Variants in GALNTL6 observed in about 807,000 individuals in gnomAD.
GALNTL6 encodes polypeptide N-acetylgalactosaminyltransferase-like 6.
GALNTL6 carries 46 observed loss-of-function variants against 73.7 expected under a neutral mutation model. The ratio of observed to expected loss-of-function variants is 0.62; its 90% CI spans 0.49 to 0.80. The LOEUF (loss-of-function observed/expected upper bound fraction) is 0.80, where lower values mean the gene tolerates loss of function less well. Ranked by LOEUF, GALNTL6 falls within the 30% of genes least tolerant of loss-of-function variation. The probability of loss-of-function intolerance (pLI) is 0.00; values close to 1 mark genes in which losing one functional copy is unlikely to be tolerated. For synonymous variants in GALNTL6, 259 were observed against 263.7 expected (o/e 0.98, Z 0.17); for missense variants, 604 against 755.0 (o/e 0.80, Z 2.34).
intron 2 of GALNTL6, among the ~76,000 whole-genome samples, chr4:171,968,640 C>T (rs149298134): frequency 2.0e-5 from 3 of 152,218 alleles, no homozygotes; most frequent in Non-Finnish European, 2.9e-5. Flanking sequence ...CTATTCGACC[C>T]ACCACAGCAC....
rs747848670 is a variant in GALNTL6 at position 172,800,443 on chromosome 4, T to G, written c.554-8918T>G. On this transcript the variant is annotated intron_variant, in intron 5 of 12. Transcript: ENST00000506823. ...ATATTCTCCTAGAATTAAACTACTTTGTAACATTTACTGAGTAAAGCCTTA... is the reference window on the plus strand; with the variant it reads ...ATATTCTCCTAGAATTAAACTACTTGGTAACATTTACTGAGTAAAGCCTTA... 8.5e-5 allele frequency among the ~76,000 whole-genome samples: 13 copies of G among 152,200 alleles called. 1 individual carries two copies. The highest frequency in any genetic ancestry group is 4.6e-4 in the Admixed American group (7 of 15,286).
chr4:172,224,089 G>A (rs1038490737), intron 2 of GALNTL6, among the ~76,000 whole-genome samples: 4 of 152,014 alleles, frequency 2.6e-5, no homozygotes, highest in Admixed American at 1.3e-4. Context: ...TTTTTCAAGG[G>A]CAATGGAAAT....
intron 5 of GALNTL6, among the ~76,000 whole-genome samples, chr4:172,646,747 G>A (rs1740260166): frequency 6.6e-6 from 1 of 151,846 alleles, no homozygotes; most frequent in African/African-American, 2.4e-5. Context: ...TCTTAAAATC[G>A]TTCTTCAAGT....
At chr4:172,732,122 A>G (rs557189247) in intron 5 of GALNTL6, among the ~76,000 whole-genome samples, 1 of 152,096 alleles carries the variant, frequency 6.6e-6, no homozygotes, top group Non-Finnish European at 1.5e-5. Context: ...TCTGTCTGTT[A>G]CTGAGAATGG....
At chr4:172,984,700 C>T (rs1751219496) in intron 10 of GALNTL6, among the ~76,000 whole-genome samples, 1 of 152,144 alleles carries the variant, frequency 6.6e-6, no homozygotes, top group African/African-American at 2.4e-5. Flanking sequence ...TCAGTAGAAG[C>T]CCAAACCTCA....
At chr4:172,753,466 A>C (rs1259111210) in intron 5 of GALNTL6, among the ~76,000 whole-genome samples, 1 of 152,226 alleles carries the variant, frequency 6.6e-6, no homozygotes, top group East Asian at 1.9e-4. Flanking sequence ...TTATGTGATG[A>C]AGTTTTTCTC....
chr4:171,982,447 G>C (rs111850556), intron 2 of GALNTL6, among the ~76,000 whole-genome samples: 7 of 151,928 alleles, frequency 4.6e-5, no homozygotes, highest in South Asian at 2.1e-4. Context: ...ACAGGCGCCC[G>C]CCACCACGCC....
intron 2 of GALNTL6, among the ~76,000 whole-genome samples, chr4:171,868,146 C>G (rs1736023305): frequency 6.6e-6 from 1 of 151,774 alleles, no homozygotes; most frequent in Non-Finnish European, 1.5e-5. Flanking sequence ...ATCACCAAGC[C>G]TGGCTATTTT....
intron 2 of GALNTL6, among the ~76,000 whole-genome samples, chr4:172,033,125 C>G (rs79858841): frequency 0.099 from 14,990 of 151,788 alleles, 911 homozygotes; most frequent in Non-Finnish European, 0.14. Context: ...TATCTTGTCT[C>G]TTTTGGAACT....
chr4:172,323,021 G>C (rs992550125), intron 4 of GALNTL6, among the ~76,000 whole-genome samples: 1 of 152,168 alleles, frequency 6.6e-6, no homozygotes, highest in South Asian at 2.1e-4. Flanking sequence ...AAAAGCAACA[G>C]CCTACATATC....
chr4:172,609,625 C>CTCTGTGTG (rs753051714), intron 5 of GALNTL6, among the ~76,000 whole-genome samples: 116 of 92,770 alleles, frequency 1.3e-3, no homozygotes, highest in Admixed American at 2.7e-3. Context: ...CTCTCTCTCT[C>CTCTGTGTG]TGTGTGTGTG....
At chr4:172,741,655 A>T (rs966103591) in intron 5 of GALNTL6, among the ~76,000 whole-genome samples, 3 of 151,928 alleles carry the variant, frequency 2.0e-5, no homozygotes, top group African/African-American at 7.3e-5. Context: ...TATATTTATT[A>T]TATAGAAGAA....
intron 5 of GALNTL6, among the ~76,000 whole-genome samples, chr4:172,445,656 T>C (rs1731992761): frequency 6.6e-6 from 1 of 152,192 alleles, no homozygotes; most frequent in African/African-American, 2.4e-5. Context: ...AAAACAATTA[T>C]GGTAGAGAGA....
intron 5 of GALNTL6, among the ~76,000 whole-genome samples, chr4:172,670,312 C>G (rs537643594): frequency 6.6e-6 from 1 of 152,170 alleles, no homozygotes; most frequent in East Asian, 1.9e-4. Context: ...TCACCAGCAT[C>G]TCTTTTTTTT....
At chr4:172,481,838 G>A (rs1733492938) in intron 5 of GALNTL6, among the ~76,000 whole-genome samples, 3 of 152,186 alleles carry the variant, frequency 2.0e-5, no homozygotes, top group Non-Finnish European at 4.4e-5. Flanking sequence ...AATGGATCCT[G>A]TTTCAGGGGA....
chr4:172,078,213 C>T (rs1040430392), intron 2 of GALNTL6, among the ~76,000 whole-genome samples: 3 of 152,156 alleles, frequency 2.0e-5, no homozygotes, highest in Non-Finnish European at 2.9e-5. Flanking sequence ...GTGATTGGAA[C>T]ATGGGGGCAG....
intron 2 of GALNTL6, among the ~76,000 whole-genome samples, chr4:172,218,282 TGACA>T (rs1319362919): frequency 6.6e-6 from 1 of 152,118 alleles, no homozygotes; most frequent in Admixed American, 6.6e-5. Context: ...CTTTTTCTCT[TGACA>T]GTAGGCCTTA....
intron 2 of GALNTL6, among the ~76,000 whole-genome samples, chr4:171,891,539 T>TA (rs1054880511): frequency 3.3e-5 from 5 of 152,124 alleles, no homozygotes; most frequent in African/African-American, 4.8e-5. Flanking sequence ...TAGTCCTGTT[T>TA]AAAAAAAATT....
At chr4:171,953,983 G>A (rs1738967693) in intron 2 of GALNTL6, among the ~76,000 whole-genome samples, 1 of 152,104 alleles carries the variant, frequency 6.6e-6, no homozygotes, top group African/African-American at 2.4e-5. Context: ...GCATAACAAT[G>A]TTCAAGAAAT....
Sources: gnomAD v4.1 joint callset for allele counts (sites outside exome capture counted in the v4.1 genomes callset) on GRCh38, gnomAD v4.1.1 for gene constraint, MANE v1.5 for transcripts, NCBI Gene and HGNC (gene_info 2026-07-23, HGNC 2026-07-21) for gene names.